The following RNF126 variants were observed in gnomAD, a reference collection of about 807,000 sequenced individuals.
RNF126 encodes ring finger protein 126, also known as E3 ubiquitin-protein ligase RNF126.
A neutral mutation model predicts 41.9 loss-of-function variants in RNF126; 20 were observed. That is an observed-to-expected ratio of 0.48 (90% CI 0.34 to 0.69). RNF126 has a LOEUF of 0.69. Ranked by LOEUF, RNF126 falls within the 30% of genes least tolerant of loss-of-function variation. RNF126 has a pLI of 0.01. For missense variants in RNF126, 433 were observed against 460.6 expected, an observed-to-expected ratio of 0.94 and a Z score of 0.55; for synonymous variants, 239 against 202.9, an observed-to-expected ratio of 1.18 and a Z score of -1.51.
rs1156755094 is a variant in RNF126, at chr19:651,600, G to A, written c.443+11C>T. ...GTGGGGCCCTCGCGGCCACCCCCGG[G>A]GCCCCCTCACCCTTCCAGCGTGGGG... On this transcript the variant is annotated intron_variant, in intron 4 of 8. Transcript: ENST00000292363. 7.1e-7 allele frequency: 1 copy of A among 1,408,910 alleles called. No individual in the cohort carries two copies. The highest frequency in any genetic ancestry group is 1.5e-5 in the African/African-American group (1 of 66,312). 87.3% of individuals were successfully genotyped at this position (1,408,910 alleles called of 1,614,324 possible).
chr19:662,995 C>G, intron 1 of RNF126, 52 bp downstream of exon 1: 1 of 1,021,612 alleles, frequency 9.8e-7, no homozygotes, highest in Non-Finnish European at 1.3e-6. Context: ...CCGGCCTTGC[C>G]TCAGGCCTGC....
chr19:655,014 G>GAA (rs34088660), intron 1 of RNF126, among the ~76,000 whole-genome samples: 1 of 130,840 alleles, frequency 7.6e-6, no homozygotes, highest in Non-Finnish European at 1.7e-5. Flanking sequence ...AAGAAAGAAA[G>GAA]AAAAAAAAGC....
chr19:660,841 G>A (rs750342616), intron 1 of RNF126, among the ~76,000 whole-genome samples: 35 of 152,188 alleles, frequency 2.3e-4, no homozygotes, highest in South Asian at 4.1e-4. Flanking sequence ...TGCCACGTAC[G>A]GAGAAGTTCT....
At chr19:653,700 G>C (rs2030433197) in intron 1 of RNF126, among the ~76,000 whole-genome samples, 1 of 152,080 alleles carries the variant, frequency 6.6e-6, no homozygotes, top group Non-Finnish European at 1.5e-5. Context: ...CCTCACCAGG[G>C]GCTGGGCAGA....
intron 1 of RNF126, among the ~76,000 whole-genome samples, chr19:661,669 C>T (rs1568196120): frequency 6.6e-6 from 1 of 152,314 alleles, no homozygotes; most frequent in East Asian, 1.9e-4. Context: ...GGCGGCTTCT[C>T]CTGACTCCCT....
intron 1 of RNF126, among the ~76,000 whole-genome samples, chr19:661,690 C>A (rs2030808801): frequency 6.6e-6 from 1 of 152,242 alleles, no homozygotes; most frequent in African/African-American, 2.4e-5. Context: ...CCAGCCCCTT[C>A]CTGGGTCTCT....
At chr19:650,589 T>A in intron 4 of RNF126, 2 of 219,446 alleles carry the variant, frequency 9.1e-6, no homozygotes, top group Non-Finnish European at 8.6e-6. Flanking sequence ...GGCTACTTTT[T>A]TTTTTTTTTT....
chr19:648,821 G>T lies in RNF126; in HGVS notation c.670+61C>A, dbSNP rs559095305. On this transcript the variant is annotated intron_variant, in intron 7 of 8. Coordinates refer to ENST00000292363, the MANE Select transcript of RNF126 (RefSeq NM_194460.3). Reference sequence around the variant, plus strand: ...CTGTCTCTACTGAAAATACAAGTATGAGCCAGGCGTGGCGGCGGGTGCCTG... The same window carrying T: ...CTGTCTCTACTGAAAATACAAGTATTAGCCAGGCGTGGCGGCGGGTGCCTG... 5 of 1,000,308 alleles carry T rather than the reference G, an allele frequency of 5.0e-6. No homozygotes were observed. In the East Asian group the frequency reaches 1.0e-4, roughly 21 times the overall value. The allele number at this position is 1,000,308 out of a possible 1,614,324, so 62.0% of individuals were successfully genotyped here.
At position 647,725 on chromosome 19, in the gene RNF126, T is replaced by A. The variant is rs1257095546; in HGVS notation, c.*403A>T. 10 of 268,922 alleles carry A rather than the reference T, an allele frequency of 3.7e-5. No individual in the cohort carries two copies. Among genetic ancestry groups the A allele is most frequent in the Non-Finnish European group, 7.4e-5 (10 of 135,970 alleles). The allele number at this position is 268,922 out of a possible 1,614,324, so 16.7% of individuals were successfully genotyped here. On this transcript the variant is annotated 3_prime_UTR_variant, in exon 9 of 9. Transcript: ENST00000292363. ...CCCGTCCTGGCGGCACCTGCAGCAC[T>A]GGGGGAGCCGCTGAACCCCGTGCTT...
chr19:658,006 C>T (rs549650260), intron 1 of RNF126, among the ~76,000 whole-genome samples: 5 of 152,128 alleles, frequency 3.3e-5, no homozygotes, highest in South Asian at 4.1e-4. Flanking sequence ...CCACCTTCTC[C>T]GGGGGCAGCA....
intron 1 of RNF126, among the ~76,000 whole-genome samples, chr19:656,118 G>A (rs950248336): frequency 2.0e-5 from 3 of 152,094 alleles, no homozygotes; most frequent in Non-Finnish European, 2.9e-5. Context: ...TTAGACTGTG[G>A]TGGTGGTTGC....
intron 1 of RNF126, among the ~76,000 whole-genome samples, chr19:660,099 CT>C (rs1430671813): frequency 6.6e-6 from 1 of 152,256 alleles, no homozygotes; most frequent in Non-Finnish European, 1.5e-5. Context: ...ACTGCTGCCC[CT>C]GTGCCGTCGT....
In RNF126 at chr19:648,239, T is replaced by C; in HGVS notation, c.825A>G (p.Gly275=). 6.3e-7 allele frequency: 1 copy of C among 1,591,462 alleles called. No homozygotes were observed. The highest frequency in any genetic ancestry group is 8.6e-7 in the Non-Finnish European group (1 of 1,169,384). The change falls in exon 9 of 9, where the codon GGA becomes GGG. Residue 275 remains glycine (G), a synonymous_variant. Transcript: ENST00000292363. ...SCPVCRKSLT[G]QNTATNPPGL... ...CAGGGGGGTTCGTGGCCGTGTTCTG[T>C]CCCGTGAGGCTTTTTCGGCAGACGG...
chr19:657,374 C>T (rs1339406694), intron 1 of RNF126, among the ~76,000 whole-genome samples: 8 of 152,218 alleles, frequency 5.3e-5, no homozygotes, highest in East Asian at 1.9e-4. Flanking sequence ...CGCATGCTCC[C>T]GCCACCCGCA....
chr19:652,787 G>A (rs1345068463), intron 2 of RNF126, 39 bp downstream of exon 2: 1 of 1,594,736 alleles, frequency 6.3e-7, no homozygotes. Context: ...CTGAGGCCCG[G>A]CTGGCTCTTC....
At position 647,936 on chromosome 19, in the gene RNF126, C is replaced by T. The variant is rs1433916428; in HGVS notation, c.*192G>A. ...GAGGCTGGGGACGCCCCAGAGGGGA[C>T]CATGTGGCCCACGCCTTCCCAAGCC... On this transcript the variant is annotated 3_prime_UTR_variant, in exon 9 of 9. Coordinates refer to ENST00000292363, the MANE Select transcript of RNF126 (RefSeq NM_194460.3). 1.5e-6 allele frequency: 1 copy of T among 664,772 alleles called. No homozygotes were observed. The highest frequency in any genetic ancestry group is 2.5e-6 in the Non-Finnish European group (1 of 393,460). The allele number at this position is 664,772 out of a possible 1,614,324, so 41.2% of individuals were successfully genotyped here. A position where few individuals can be genotyped will look rare whatever the true frequency, so the allele number is the denominator to read the frequency against.
At chr19:651,892 G>A (rs1568190681) in intron 3 of RNF126, 37 bp from the exon 4 acceptor site, 2 of 1,574,002 alleles carry the variant, frequency 1.3e-6, no homozygotes, top group Admixed American at 1.8e-5. Context: ...CGGGGGCTCA[G>A]GCCCGTGCAG....
chr19:659,191 G>A lies in RNF126; in HGVS notation c.75+3856C>T, dbSNP rs2030688888. Among the ~76,000 whole-genome samples, 1 of 152,106 alleles carries A rather than the reference G, an allele frequency of 6.6e-6. No individual in the cohort carries two copies. The highest frequency in any genetic ancestry group is 1.5e-5 in the Non-Finnish European group (1 of 68,004). ...ACCGCAGACACACAGAGCAAGCAGCGGCCAGAGACAGACCCAGGCCGTCTT... is the reference window on the plus strand; with the variant it reads ...ACCGCAGACACACAGAGCAAGCAGCAGCCAGAGACAGACCCAGGCCGTCTT... On this transcript the variant is annotated intron_variant, in intron 1 of 8. Transcript: ENST00000292363. This position sits in a 1 kb window ranked among gnomAD's most constrained non-coding sequence, Gnocchi z 4.9.
intron 1 of RNF126, among the ~76,000 whole-genome samples, chr19:660,320 T>C (rs868309195): frequency 2.0e-5 from 3 of 152,256 alleles, no homozygotes; most frequent in Non-Finnish European, 4.4e-5. Flanking sequence ...GGCCTCAGCC[T>C]GATCCCAGAG....
Sources: allele counts gnomAD v4.1 joint callset (sites outside exome capture counted in the v4.1 genomes callset), GRCh38; gene constraint gnomAD v4.1.1; non-coding constraint Gnocchi (gnomAD v3.1); transcripts MANE v1.5; gene names NCBI Gene and HGNC (gene_info 2026-07-23, HGNC 2026-07-21).